PPP3CA: variants seen among roughly 807,000 people sequenced by gnomAD.
PPP3CA encodes CAM-PRP catalytic subunit.
A neutral mutation model predicts 66.5 loss-of-function variants in PPP3CA; 14 were observed. That is an observed-to-expected ratio of 0.21 (90% CI 0.14 to 0.33). PPP3CA has a LOEUF of 0.33. Among genes scored for constraint, PPP3CA ranks in the 10% least tolerant of loss-of-function variants. PPP3CA has a pLI of 1.00. For synonymous variants in PPP3CA, 232 were observed against 226.2 expected (o/e 1.03, Z -0.23); for missense variants, 317 against 639.5 (o/e 0.50, Z 5.44).
chr4:101,237,755 C>G (rs1225563736), intron 1 of PPP3CA, among the ~76,000 whole-genome samples: 1 of 152,098 alleles, frequency 6.6e-6, no homozygotes, highest in Non-Finnish European at 1.5e-5. Context: ...GCAACTGCAG[C>G]AGATGCTGTG....
At chr4:101,118,497 CTCTTCTTCT>C (rs3077957) in intron 2 of PPP3CA, among the ~76,000 whole-genome samples, 1 of 151,394 alleles carries the variant, frequency 6.6e-6, no homozygotes, top group African/African-American at 2.4e-5. Context: ...TTTGCTATTA[CTCTTCTTCT>C]TCTTCTTCTT....
In PPP3CA at chr4:101,083,217, T is replaced by C. The variant is rs540250871; in HGVS notation, c.829A>G (p.Ile277Val). 2.2e-5 allele frequency: 36 copies of C among 1,606,152 alleles called. No homozygotes were observed. The highest frequency in any genetic ancestry group is 2.9e-5 in the Non-Finnish European group (34 of 1,175,832). Residue 277 changes from isoleucine (I) to valine (V), a missense_variant, in exon 7 of 14, where the codon ATA (isoleucine) becomes GTA (valine). Transcript: ENST00000394854. Reference protein sequence around the residue: ...EFLQHNNLLSILRAHEAQDAG... With the variant: ...EFLQHNNLLSVLRAHEAQDAG... ...TCTTGGGCTTCGTGGGCTCGGAGTATAGATAACAAGTTATTGTGCTGTAAG... is the reference window on the plus strand; with the variant it reads ...TCTTGGGCTTCGTGGGCTCGGAGTACAGATAACAAGTTATTGTGCTGTAAG...
In PPP3CA at chr4:101,300,560, C is replaced by T. The variant is rs1363022197; in HGVS notation, c.58+46179G>A. On this transcript the variant is annotated intron_variant, in intron 1 of 13. Transcript: ENST00000394854. Reference sequence around the variant, plus strand: ...CTGTAATCCCAGCACTTTGGGAGGCCGAGGCAGGTGGATCACTTGATGCCA... The same window carrying T: ...CTGTAATCCCAGCACTTTGGGAGGCTGAGGCAGGTGGATCACTTGATGCCA... Among the ~76,000 whole-genome samples the T allele has an allele frequency of 2.0e-5, 3 of 152,038 alleles. No homozygotes were observed. In the South Asian group the frequency reaches 6.2e-4, roughly 32 times the overall value.
At chr4:101,120,598 G>A in intron 2 of PPP3CA, among the ~76,000 whole-genome samples, 1 of 129,406 alleles carries the variant, frequency 7.7e-6, no homozygotes, top group Non-Finnish European at 1.9e-5. Context: ...CTTTTATAAT[G>A]ATGTTTTCAC....
chr4:101,153,320 C>T (rs996466773), intron 2 of PPP3CA, among the ~76,000 whole-genome samples: 1 of 152,086 alleles, frequency 6.6e-6, no homozygotes, highest in Non-Finnish European at 1.5e-5. Context: ...GACATTATAC[C>T]AAATAAACAT....
intron 3 of PPP3CA, among the ~76,000 whole-genome samples, chr4:101,103,020 A>T (rs1730516473): frequency 6.6e-6 from 1 of 151,742 alleles, no homozygotes; most frequent in South Asian, 2.1e-4. Context: ...TTTAAAATTA[A>T]TTTTTGCCAC....
chr4:101,057,060 CTTT>C (rs60282854), intron 10 of PPP3CA, among the ~76,000 whole-genome samples: 1 of 145,048 alleles, frequency 6.9e-6, no homozygotes, highest in African/African-American at 2.5e-5. Flanking sequence ...GTAGAATATA[CTTT>C]TTTTTTTTTT....
intron 2 of PPP3CA, among the ~76,000 whole-genome samples, chr4:101,187,926 G>A (rs917206254): frequency 6.6e-6 from 1 of 152,018 alleles, no homozygotes; most frequent in Non-Finnish European, 1.5e-5. Flanking sequence ...AAACACAAAC[G>A]ATCCTTTGTT....
intron 2 of PPP3CA, among the ~76,000 whole-genome samples, chr4:101,167,068 T>A: frequency 6.6e-6 from 1 of 152,196 alleles, no homozygotes; most frequent in Non-Finnish European, 1.5e-5. Flanking sequence ...AAACTCCAAA[T>A]TCCATTCTCT....
chr4:101,326,381 A>C (rs1729210015), intron 1 of PPP3CA, among the ~76,000 whole-genome samples: 2 of 152,240 alleles, frequency 1.3e-5, no homozygotes, highest in Admixed American at 6.5e-5. Flanking sequence ...ACCTCCTCAC[A>C]GGATTACCTT....
chr4:101,036,801 T>G (rs1193677348), intron 11 of PPP3CA, among the ~76,000 whole-genome samples: 1 of 152,202 alleles, frequency 6.6e-6, no homozygotes, highest in Non-Finnish European at 1.5e-5. Context: ...CCAAATTCAG[T>G]GCATCCTACT....
At chr4:101,173,890 A>C (rs1723965922) in intron 2 of PPP3CA, among the ~76,000 whole-genome samples, 1 of 152,134 alleles carries the variant, frequency 6.6e-6, no homozygotes, top group African/African-American at 2.4e-5. Flanking sequence ...GTCTCAACAA[A>C]AAAATTTAAA....
Position 101,124,028 on chromosome 4 carries a change from A to G in PPP3CA, c.260-14950T>C, listed in dbSNP as rs77912199. 4.2e-4 allele frequency among the ~76,000 whole-genome samples: 64 copies of G among 152,336 alleles called. No homozygotes were observed. In the East Asian group the frequency reaches 0.01, roughly 25 times the overall value. On this transcript the variant is annotated intron_variant, in intron 2 of 13. Transcript: ENST00000394854. The stretch of plus-strand genomic sequence containing the variant: ...CTATACCACAGCTTTCTTTAGCACC[A>G]CTTGATTAGAACTATCCCCTTAATA...
chr4:101,109,054 A>T lies in PPP3CA; in HGVS notation c.284T>A (p.Phe95Tyr). The T allele has an allele frequency of 6.2e-7, 1 of 1,613,542 alleles. No individual in the cohort carries two copies. Reference sequence around the variant, plus strand: ...TTCAAAGAGCTTCATCAAATCAAAGAATTGTCCATGAATGTCCCCACAAAC... The same window carrying T: ...TTCAAAGAGCTTCATCAAATCAAAGTATTGTCCATGAATGTCCCCACAAAC... ...VTVCGDIHGQ[F>Y]FDLMKLFEVG... Residue 95 changes from phenylalanine to tyrosine, a missense_variant, in exon 3 of 14, where the codon TTC becomes TAC. By Grantham distance (22) the Phe-to-Tyr change is conservative. Coordinates refer to ENST00000394854, the MANE Select transcript of PPP3CA (RefSeq NM_000944.5).
Position 101,196,051 on chromosome 4 carries a change from G to T in PPP3CA, c.124C>A (p.Arg42Ser). 6.2e-7 allele frequency: 1 copy of T among 1,613,868 alleles called. No individual in the cohort carries two copies. The highest frequency in any genetic ancestry group is 8.5e-7 in the Non-Finnish European group (1 of 1,179,954). The change falls in exon 2 of 14, where the codon CGT (arginine) becomes AGT (serine). Residue 42 changes from arginine (R) to serine (S), a missense_variant. Physicochemically the swap from Arg to Ser is moderately radical, Grantham distance 110 (BLOSUM62 -1). This residue lies in a region of PPP3CA where 76 missense variants were observed against 99.5 expected (regional missense o/e 0.76). Transcript: ENST00000394854. ...KEVFDNDGKPRVDILKAHLMK... is the reference protein window; with the variant it reads ...KEVFDNDGKPSVDILKAHLMK... ...AGATGCGCCTTTAAGATATCCACAC[G>T]AGGTTTTCCATCATTATCAAACACT...
chr4:101,309,264 A>G (rs185844776), intron 1 of PPP3CA, among the ~76,000 whole-genome samples: 64 of 152,318 alleles, frequency 4.2e-4, no homozygotes, highest in Non-Finnish European at 7.6e-4. Flanking sequence ...GATACTACAC[A>G]TCAGGTATTA....
At chr4:101,288,246 G>A (rs1375078138) in intron 1 of PPP3CA, among the ~76,000 whole-genome samples, 2 of 152,132 alleles carry the variant, frequency 1.3e-5, no homozygotes, top group African/African-American at 4.8e-5. Context: ...CAGATGTCTG[G>A]CTGAAAAACC....
At chr4:101,282,739 G>A (rs1660608094) in intron 1 of PPP3CA, among the ~76,000 whole-genome samples, 1 of 152,096 alleles carries the variant, frequency 6.6e-6, no homozygotes, top group African/African-American at 2.4e-5. Context: ...TGAGATGCAG[G>A]AAGTAAAGCA....
chr4:101,189,193 C>T (rs1205024441), intron 2 of PPP3CA, among the ~76,000 whole-genome samples: 2 of 152,180 alleles, frequency 1.3e-5, no homozygotes, highest in East Asian at 3.9e-4. Context: ...CACAAAGAAA[C>T]ACACACATAT....
Sources: allele counts gnomAD v4.1 joint callset (sites outside exome capture counted in the v4.1 genomes callset), GRCh38; gene constraint gnomAD v4.1.1; regional missense constraint gnomAD v4.1.1; transcripts MANE v1.5; gene names NCBI Gene and HGNC (gene_info 2026-07-23, HGNC 2026-07-21).